Variants in NUBPL observed in about 807,000 individuals in gnomAD.
NUBPL encodes the protein iron-sulfur cluster transfer protein NUBPL.
NUBPL carries 31 observed loss-of-function variants against 45.7 expected under a neutral mutation model. The ratio of observed to expected loss-of-function variants is 0.68; its 90% CI spans 0.51 to 0.92. The LOEUF is 0.92. Ranked by LOEUF, NUBPL falls within the 40% of genes least tolerant of loss-of-function variation. The pLI is 0.00. For missense variants in NUBPL, 401 were observed against 398.7 expected (o/e 1.01, Z -0.05); for synonymous variants, 144 against 140.9 (o/e 1.02, Z -0.15).
chr14:31,725,216 T>A (rs1234027823), intron 6 of NUBPL, among the ~76,000 whole-genome samples: 1 of 152,076 alleles, frequency 6.6e-6, no homozygotes, highest in Non-Finnish European at 1.5e-5. Flanking sequence ...CAATTAAGAG[T>A]ACTCAAACAA....
intron 6 of NUBPL, among the ~76,000 whole-genome samples, chr14:31,693,818 A>C (rs900982543): frequency 7.3e-5 from 11 of 150,182 alleles, no homozygotes; most frequent in African/African-American, 2.2e-4. Flanking sequence ...AAAAAAAAAA[A>C]AAAAACCTTT....
intron 7 of NUBPL, among the ~76,000 whole-genome samples, chr14:31,819,915 C>T (rs529426716): frequency 7.3e-4 from 111 of 151,950 alleles, no homozygotes; most frequent in African/African-American, 1.2e-3. Flanking sequence ...CTGAGGTGGG[C>T]GGATCACGAG....
chr14:31,797,949 G>A (rs61994414), intron 7 of NUBPL, among the ~76,000 whole-genome samples: 2 of 142,896 alleles, frequency 1.4e-5, no homozygotes, highest in African/African-American at 5.4e-5. Flanking sequence ...AAATCTCTCA[G>A]CATTTGCTTG....
intron 6 of NUBPL, among the ~76,000 whole-genome samples, chr14:31,770,794 A>G (rs2038995494): frequency 6.6e-6 from 1 of 152,198 alleles, no homozygotes; most frequent in African/African-American, 2.4e-5. Context: ...TAAAGGCAAG[A>G]TAGAATTGGT....
intron 6 of NUBPL, among the ~76,000 whole-genome samples, chr14:31,720,145 C>G (rs1026527397): frequency 3.9e-5 from 6 of 152,034 alleles, no homozygotes; most frequent in African/African-American, 1.2e-4. Flanking sequence ...TTCTCATCGC[C>G]CACTTCTCAT....
intron 6 of NUBPL, among the ~76,000 whole-genome samples, chr14:31,686,011 A>G (rs1020418497): frequency 5.3e-5 from 8 of 152,200 alleles, no homozygotes; most frequent in African/African-American, 9.7e-5. Context: ...TAGGCATACA[A>G]TGGTACAGAG....
chr14:31,588,411 C>T (rs1441647709), intron 3 of NUBPL, among the ~76,000 whole-genome samples: 1 of 46,146 alleles, frequency 2.2e-5, no homozygotes, highest in African/African-American at 6.8e-5. Context: ...AATTAGATCT[C>T]TCTCTCTTTT....
At chr14:31,668,448 C>T (rs567833328) in intron 4 of NUBPL, among the ~76,000 whole-genome samples, 138 of 152,302 alleles carry the variant, frequency 9.1e-4, no homozygotes, top group Middle Eastern at 3.4e-3. Flanking sequence ...TTCAGACTGC[C>T]GTGCTGGCAG....
chr14:31,736,852 A>G (rs560803250), intron 6 of NUBPL, among the ~76,000 whole-genome samples: 50 of 152,262 alleles, frequency 3.3e-4, no homozygotes, highest in African/African-American at 1.1e-3. Flanking sequence ...CTACATCCTT[A>G]TTAACACTTG....
intron 6 of NUBPL, among the ~76,000 whole-genome samples, chr14:31,716,948 G>T (rs2037703311): frequency 1.3e-5 from 2 of 152,006 alleles, no homozygotes; most frequent in African/African-American, 4.8e-5. Flanking sequence ...TCCCTACAAT[G>T]TCCACCCTTT....
At chr14:31,813,090 G>A (rs1455147039) in intron 7 of NUBPL, among the ~76,000 whole-genome samples, 2 of 150,236 alleles carry the variant, frequency 1.3e-5, no homozygotes, top group Non-Finnish European at 3.0e-5. Flanking sequence ...CTGGGTTCAC[G>A]CCATTCTCGT....
Position 31,829,722 on chromosome 14 carries a change from C to T in NUBPL, c.693+3008C>T, listed in dbSNP as rs369198449. Among the ~76,000 whole-genome samples, 19 of 152,126 alleles carry T rather than the reference C, an allele frequency of 1.2e-4. No individual in the cohort carries two copies. In the East Asian group the frequency reaches 3.3e-3, roughly 26 times the overall value. On this transcript the variant is annotated intron_variant, in intron 8 of 10. Transcript: ENST00000281081. ...AAACGATGATGTCATTGGAATTCAT[C>T]GGTATGGACAGAGTTTAGTAATGTC...
intron 4 of NUBPL, 34 bp downstream of exon 4, chr14:31,599,413 G>A (rs775333603): frequency 1.4e-6 from 2 of 1,450,454 alleles, no homozygotes; most frequent in Admixed American, 3.4e-5. Context: ...TATAATAATA[G>A]TTGCACTTTT....
chr14:31,855,572 G>A (rs1448795834), intron 10 of NUBPL, among the ~76,000 whole-genome samples: 2 of 151,490 alleles, frequency 1.3e-5, no homozygotes, highest in South Asian at 2.1e-4. Flanking sequence ...GAAGTACTTG[G>A]TATAGTAGGT....
At chr14:31,760,951 C>A (rs2038794868) in intron 6 of NUBPL, among the ~76,000 whole-genome samples, 2 of 152,080 alleles carry the variant, frequency 1.3e-5, no homozygotes, top group Non-Finnish European at 2.9e-5. Flanking sequence ...CCCACCGCAG[C>A]CTGCTGAGTA....
chr14:31,804,060 T>C (rs1364487916), intron 7 of NUBPL, among the ~76,000 whole-genome samples: 3 of 152,026 alleles, frequency 2.0e-5, no homozygotes, highest in East Asian at 1.9e-4. Context: ...CACCTAACTC[T>C]CAATCTAAAT....
chr14:31,758,292 G>A (rs1034334635), intron 6 of NUBPL, among the ~76,000 whole-genome samples: 1 of 152,098 alleles, frequency 6.6e-6, no homozygotes, highest in Admixed American at 6.6e-5. Flanking sequence ...TTAATTATAA[G>A]ACATGATTAA....
chr14:31,620,811 T>A (rs2035039061), intron 4 of NUBPL, among the ~76,000 whole-genome samples: 1 of 152,184 alleles, frequency 6.6e-6, no homozygotes, highest in Non-Finnish European at 1.5e-5. Context: ...TCGAACACTG[T>A]GCTGGGAGAT....
intron 6 of NUBPL, among the ~76,000 whole-genome samples, chr14:31,779,046 A>C (rs551130706): frequency 1.1e-4 from 17 of 152,304 alleles, no homozygotes; most frequent in African/African-American, 4.1e-4. Context: ...TGAGGATAGA[A>C]AGAGAACCTT....
Sources: allele counts gnomAD v4.1 joint callset (sites outside exome capture counted in the v4.1 genomes callset), GRCh38; gene constraint gnomAD v4.1.1; transcripts MANE v1.5; gene names NCBI Gene and HGNC (gene_info 2026-07-23, HGNC 2026-07-21).